The following TEX9 variants were observed in gnomAD, a reference collection of about 807,000 sequenced individuals.
The protein encoded by TEX9 is testis expressed 9.
In TEX9, 74 loss-of-function variants were observed where a neutral mutation model predicts 59.6. That is an observed-to-expected ratio of 1.24 (90% confidence interval 1.03 to 1.51). The LOEUF is 1.51. TEX9 is among the 40% of genes most tolerant of loss of function. The pLI, the probability that TEX9 is intolerant of heterozygous loss-of-function variation, is 0.00. For synonymous variants in TEX9, 186 were observed against 152.2 expected, an observed-to-expected ratio of 1.22 and a Z score of -1.64; for missense variants, 522 against 447.8, an observed-to-expected ratio of 1.17 and a Z score of -1.49.
At chr15:56,255,873 C>T (rs1384429648) in intron 1 of TEX9, among the ~76,000 whole-genome samples, 3 of 151,912 alleles carry the variant, frequency 2.0e-5, no homozygotes, top group African/African-American at 7.2e-5. Flanking sequence ...GAAGCTTGAT[C>T]GAATAAAGGA....
intron 12 of TEX9, chr15:56,431,647 A>G (rs141264677): frequency 3.5e-6 from 2 of 569,656 alleles, no homozygotes; most frequent in South Asian, 7.8e-5. Flanking sequence ...ATATATTTTT[A>G]AAATATATAT....
chr15:56,274,580 A>T (rs1256320441), intron 1 of TEX9: 1 of 152,210 alleles, frequency 6.6e-6, no homozygotes, highest in African/African-American at 2.4e-5. Flanking sequence ...CACAGGAGCC[A>T]TGCTAATCTT....
chr15:56,260,142 A>G (rs1567064937), intron 1 of TEX9, among the ~76,000 whole-genome samples: 1 of 152,026 alleles, frequency 6.6e-6, no homozygotes, highest in Non-Finnish European at 1.5e-5. Flanking sequence ...TTGTGTATAT[A>G]TTATTTTGGG....
At chr15:56,452,157 A>G in the TEX9 span, among the ~76,000 whole-genome samples, 8 of 152,150 alleles carry the variant, frequency 5.3e-5, no homozygotes, top group African/African-American at 1.9e-4. Context: ...ATCAGGTTAG[A>G]TGATTCACTA....
At chr15:56,255,264 C>A (rs1275360164) in intron 1 of TEX9, among the ~76,000 whole-genome samples, 1 of 152,036 alleles carries the variant, frequency 6.6e-6, no homozygotes, top group East Asian at 1.9e-4. Context: ...GGCAGGTGAA[C>A]CCCTGTTCTA....
Position 56,254,697 on chromosome 15 carries a change from C to T in TEX9, c.-107+10419C>T, listed in dbSNP as rs149478708. ...CAAACTCAGAAAAAATAATACCTAA[C>T]GAAAGAGAGTTTATAAATTTAAAAA... On this transcript the variant is annotated intron_variant, in intron 1 of 5. Coordinates refer to the TEX9 transcript ENST00000560827. Among the ~76,000 whole-genome samples, 524 of 151,490 alleles carry T rather than the reference C, an allele frequency of 3.5e-3. 1 individual carries two copies. The highest frequency in any genetic ancestry group is 0.014 in the Middle Eastern group (4 of 290).
intron 1 of TEX9, among the ~76,000 whole-genome samples, chr15:56,266,931 C>G (rs1220575702): frequency 6.6e-6 from 1 of 152,196 alleles, no homozygotes; most frequent in Non-Finnish European, 1.5e-5. Context: ...AACTAGTTTA[C>G]AGTCCCACCA....
At chr15:56,369,245 C>T (rs555208563) in intron 2 of TEX9, among the ~76,000 whole-genome samples, 1 of 152,120 alleles carries the variant, frequency 6.6e-6, no homozygotes, top group East Asian at 1.9e-4. Flanking sequence ...GGCTGGAGTG[C>T]AGTGGTGTGA....
chr15:56,404,251 T>C (rs894575305), intron 9 of TEX9, among the ~76,000 whole-genome samples: 2 of 152,144 alleles, frequency 1.3e-5, no homozygotes, highest in Non-Finnish European at 2.9e-5. Flanking sequence ...AAACGGCTAA[T>C]ATATACAGAA....
intron 9 of TEX9, among the ~76,000 whole-genome samples, chr15:56,402,870 C>T (rs1270991485): frequency 2.2e-4 from 34 of 152,130 alleles, no homozygotes; most frequent in African/African-American, 8.2e-4. Context: ...ATAAACAGAA[C>T]CAACAACAAA....
chr15:56,281,849 G>A (rs925188238), intron 1 of TEX9, among the ~76,000 whole-genome samples: 8 of 152,118 alleles, frequency 5.3e-5, no homozygotes, highest in African/African-American at 1.7e-4. Flanking sequence ...AAGATCCGCA[G>A]TTTGAGGCAC....
the TEX9 span, among the ~76,000 whole-genome samples, chr15:56,458,511 G>A: frequency 6.6e-6 from 1 of 152,036 alleles, no homozygotes; most frequent in East Asian, 1.9e-4. Flanking sequence ...TTCATTCTTG[G>A]TGGTACACAT....
chr15:56,256,822 C>T (rs1175470413), intron 1 of TEX9, among the ~76,000 whole-genome samples: 1 of 151,904 alleles, frequency 6.6e-6, no homozygotes, highest in East Asian at 1.9e-4. Context: ...AAGATATACA[C>T]GTTTGTTACA....
At chr15:56,373,747 A>G (rs1173292159) in intron 3 of TEX9, among the ~76,000 whole-genome samples, 2 of 152,166 alleles carry the variant, frequency 1.3e-5, no homozygotes, top group African/African-American at 4.8e-5. Context: ...TTCTCCAGTC[A>G]TCTAAATTCT....
chr15:56,431,130 G>C (rs2050581258), intron 12 of TEX9, among the ~76,000 whole-genome samples: 1 of 152,154 alleles, frequency 6.6e-6, no homozygotes, highest in Non-Finnish European at 1.5e-5. Context: ...CTCCAGCCTG[G>C]GCGATAAATA....
At chr15:56,284,429 G>A (rs2044895088) in intron 1 of TEX9, among the ~76,000 whole-genome samples, 1 of 151,948 alleles carries the variant, frequency 6.6e-6, no homozygotes, top group African/African-American at 2.4e-5. Flanking sequence ...GATATTATCT[G>A]GAAAGAATAT....
chr15:56,379,912 A>G (rs2047648915), intron 3 of TEX9, among the ~76,000 whole-genome samples: 1 of 148,564 alleles, frequency 6.7e-6, no homozygotes, highest in Non-Finnish European at 1.5e-5. Flanking sequence ...TTCAGTCTAT[A>G]TATATATCTT....
chr15:56,334,389 C>T (rs2046219040), intron 1 of TEX9, among the ~76,000 whole-genome samples: 1 of 152,040 alleles, frequency 6.6e-6, no homozygotes, highest in Non-Finnish European at 1.5e-5. Flanking sequence ...GACAAAAGTG[C>T]CAAGAACATA....
At chr15:56,369,565 T>G (rs1166652230) in intron 2 of TEX9, among the ~76,000 whole-genome samples, 2 of 152,074 alleles carry the variant, frequency 1.3e-5, no homozygotes, top group Non-Finnish European at 2.9e-5. Flanking sequence ...TAACTCCTGG[T>G]CTCAAATGAT....
Sources: gnomAD v4.1 joint callset for allele counts (sites outside exome capture counted in the v4.1 genomes callset) on GRCh38, gnomAD v4.1.1 for gene constraint, MANE v1.5 for transcripts, NCBI Gene and HGNC (gene_info 2026-07-23, HGNC 2026-07-21) for gene names.